Variants in PELI2 observed in about 807,000 individuals in gnomAD.
The protein encoded by PELI2 is pellino E3 ubiquitin protein ligase family member 2, also known as E3 ubiquitin-protein ligase pellino homolog 2.
PELI2 carries 23 observed loss-of-function variants against 42.3 expected under a neutral mutation model. The observed-to-expected ratio is 0.54, with a 90% CI of 0.39 to 0.77. The LOEUF (loss-of-function observed/expected upper bound fraction) is 0.77. Ranked by LOEUF, PELI2 falls within the 30% of genes least tolerant of loss-of-function variation. The pLI is 0.00. For missense variants in PELI2, 463 were observed against 553.2 expected, an observed-to-expected ratio of 0.84 and a Z score of 1.64; for synonymous variants, 245 against 212.2, an observed-to-expected ratio of 1.15 and a Z score of -1.34.
rs576857454 is a variant in PELI2 at position 56,199,662 on chromosome 14, C to G, written c.207+21198C>G. Among the ~76,000 whole-genome samples the G allele has an allele frequency of 8.5e-5, 13 of 152,326 alleles. No homozygotes were observed. The East Asian group carries it at 2.5e-3, about 29-fold the overall frequency. ...AGTTTAATGGCTACTTTGACACATTCATCCTGATTTAAACACAGACCCTAC... is the reference window on the plus strand; with the variant it reads ...AGTTTAATGGCTACTTTGACACATTGATCCTGATTTAAACACAGACCCTAC... On this transcript the variant is annotated intron_variant, in intron 2 of 5. Coordinates refer to ENST00000267460, the MANE Select transcript of PELI2 (RefSeq NM_021255.3).
intron 1 of PELI2, among the ~76,000 whole-genome samples, chr14:56,132,462 C>T (rs1436886418): frequency 6.6e-6 from 1 of 152,206 alleles, no homozygotes; most frequent in Non-Finnish European, 1.5e-5. Flanking sequence ...GGAGAGTTCC[C>T]TGTGGGACTC....
chr14:56,184,449 A>G (rs555470571), intron 2 of PELI2, among the ~76,000 whole-genome samples: 46 of 152,252 alleles, frequency 3.0e-4, no homozygotes, highest in African/African-American at 1.1e-3. Context: ...TTATTTGGTG[A>G]CAAATCTAAG....
chr14:56,222,215 C>G (rs1566646638), intron 2 of PELI2, among the ~76,000 whole-genome samples: 1 of 152,054 alleles, frequency 6.6e-6, no homozygotes, highest in Admixed American at 6.6e-5. Context: ...GGCAAGATGT[C>G]TTTTTCATTG....
chr14:56,300,516 C>A lies in PELI2; in HGVS notation c.*3350C>A, dbSNP rs535975452. The stretch of plus-strand genomic sequence containing the variant: ...GAGCTCAGTATTGTGTGGACACTTA[C>A]GAGAGTTTTCTGCTTAATTGAAGTG... On this transcript the variant is annotated 3_prime_UTR_variant, in exon 6 of 6. Transcript: ENST00000267460. The A allele has an allele frequency of 6.6e-6, 1 of 151,068 alleles. No homozygotes were observed. The highest frequency in any genetic ancestry group is 6.6e-5 in the Admixed American group (1 of 15,138). The allele number at this position is 151,068 out of a possible 1,614,324, so 9.4% of individuals were successfully genotyped here. A position where few individuals can be genotyped will look rare whatever the true frequency, so the allele number is the denominator to read the frequency against.
At chr14:56,251,654 C>T (rs146056314) in intron 2 of PELI2, among the ~76,000 whole-genome samples, 1 of 152,224 alleles carries the variant, frequency 6.6e-6, no homozygotes, top group African/African-American at 2.4e-5. Flanking sequence ...TCGTCATACC[C>T]TGCAGCCTCT....
chr14:56,149,884 C>A (rs1274944235), intron 1 of PELI2, among the ~76,000 whole-genome samples: 2 of 152,158 alleles, frequency 1.3e-5, no homozygotes, highest in Admixed American at 6.6e-5. Context: ...GTATATAGAA[C>A]ATGCATTTTT....
intron 3 of PELI2, among the ~76,000 whole-genome samples, chr14:56,284,805 G>A (rs1192492324): frequency 6.6e-6 from 1 of 152,138 alleles, no homozygotes; most frequent in Non-Finnish European, 1.5e-5. Flanking sequence ...TTTGATGACT[G>A]GGGAGAGATA....
rs941395666 is a variant in PELI2 at position 56,197,711 on chromosome 14, C to T, written c.207+19247C>T. The stretch of plus-strand genomic sequence containing the variant: ...TGAAGGTGTTTTTGGATGAGATTAA[C>T]ATTTAAATCTCTAGACTTTGAGTAA... On this transcript the variant is annotated intron_variant, in intron 2 of 5. Transcript: ENST00000267460. The surrounding 1 kb of genome is among the most constrained non-coding windows in gnomAD (Gnocchi z 4.9). 6.6e-6 allele frequency among the ~76,000 whole-genome samples: 1 copy of T among 152,104 alleles called. No homozygotes were observed. The highest frequency in any genetic ancestry group is 1.9e-4 in the East Asian group (1 of 5,190).
chr14:56,228,484 G>C (rs549869732), intron 2 of PELI2, among the ~76,000 whole-genome samples: 2 of 152,262 alleles, frequency 1.3e-5, no homozygotes, highest in African/African-American at 4.8e-5. Flanking sequence ...TTTGTTCACA[G>C]TTAATCATGT....
At chr14:56,167,068 C>T (rs8003276) in intron 1 of PELI2, among the ~76,000 whole-genome samples, 60,809 of 151,980 alleles carry the variant, frequency 0.4, 12,997 homozygotes, top group South Asian at 0.53. Context: ...GGATTACAGG[C>T]GTGAGCCACC....
intron 1 of PELI2, among the ~76,000 whole-genome samples, chr14:56,120,178 G>T (rs912296539): frequency 1.3e-5 from 2 of 152,164 alleles, no homozygotes; most frequent in African/African-American, 2.4e-5. Flanking sequence ...ACAGGAAGGC[G>T]GGAGGAATGA....
intron 2 of PELI2, among the ~76,000 whole-genome samples, chr14:56,244,674 C>G (rs1243212961): frequency 2.0e-5 from 3 of 152,122 alleles, no homozygotes; most frequent in Non-Finnish European, 4.4e-5. Flanking sequence ...GTATTTTCCA[C>G]TGGGCTGTGT....
intron 2 of PELI2, among the ~76,000 whole-genome samples, chr14:56,232,392 A>G (rs566617899): frequency 8.5e-5 from 13 of 152,310 alleles, no homozygotes; most frequent in African/African-American, 3.1e-4. Flanking sequence ...CCAGCAGCAC[A>G]TCAAAAAGCT....
intron 2 of PELI2, among the ~76,000 whole-genome samples, chr14:56,268,809 G>A (rs1273540633): frequency 5.3e-5 from 8 of 152,046 alleles, no homozygotes. Context: ...AGATGGGTGT[G>A]ATTTCAGAGC....
At chr14:56,291,940 G>T (rs1247375978) in intron 5 of PELI2, among the ~76,000 whole-genome samples, 1 of 152,198 alleles carries the variant, frequency 6.6e-6, no homozygotes, top group Non-Finnish European at 1.5e-5. Context: ...CCATGTTGTG[G>T]GGAGCCAGGG....
chr14:56,272,577 A>G (rs1433482885), intron 2 of PELI2, among the ~76,000 whole-genome samples: 2 of 152,208 alleles, frequency 1.3e-5, no homozygotes, highest in Non-Finnish European at 2.9e-5. Context: ...TGTATTAAGG[A>G]CTACAAAAAT....
At chr14:56,260,629 T>C (rs1888679775) in intron 2 of PELI2, among the ~76,000 whole-genome samples, 1 of 152,240 alleles carries the variant, frequency 6.6e-6, no homozygotes, top group Admixed American at 6.5e-5. Context: ...ATGTAAACTA[T>C]ACCTCAATAA....
intron 1 of PELI2, among the ~76,000 whole-genome samples, chr14:56,174,420 A>G (rs891239163): frequency 6.6e-6 from 1 of 152,080 alleles, no homozygotes; most frequent in Admixed American, 6.5e-5. Flanking sequence ...CATTCCCCTT[A>G]GGGTAAAAAG....
intron 2 of PELI2, among the ~76,000 whole-genome samples, chr14:56,189,410 A>G (rs1053085845): frequency 3.3e-5 from 5 of 152,224 alleles, no homozygotes; most frequent in African/African-American, 4.8e-5. Context: ...TAGCTCTTCA[A>G]GCTTCCGCCT....
Sources: gnomAD v4.1 joint callset for allele counts (sites outside exome capture counted in the v4.1 genomes callset) on GRCh38, gnomAD v4.1.1 for gene constraint, Gnocchi (gnomAD v3.1) non-coding constraint, MANE v1.5 for transcripts, NCBI Gene and HGNC (gene_info 2026-07-23, HGNC 2026-07-21) for gene names.